Variants in CSMD1 observed in about 807,000 individuals in gnomAD.
CSMD1 encodes the protein CUB and sushi domain-containing protein 1.
In CSMD1, 213 loss-of-function variants were observed where a neutral mutation model predicts 417.5. The ratio of observed to expected loss-of-function variants is 0.51; its 90% CI spans 0.46 to 0.57. The LOEUF is 0.57. CSMD1 is among the 20% of genes least tolerant of loss of function. The pLI is 0.00. For synonymous variants in CSMD1, 2,862 were observed against 1,736.8 expected, an observed-to-expected ratio of 1.65 and a Z score of -16.11; for missense variants, 6,923 against 4,529.7, an observed-to-expected ratio of 1.53 and a Z score of -15.17.
chr8:4,315,838 ATT>A (rs1409319092), intron 3 of CSMD1, among the ~76,000 whole-genome samples: 1 of 152,188 alleles, frequency 6.6e-6, no homozygotes, highest in African/African-American at 2.4e-5. Flanking sequence ...GTTTTCAAAA[ATT>A]TGTTTCATAT....
intron 4 of CSMD1, among the ~76,000 whole-genome samples, chr8:4,001,634 T>A (rs988298052): frequency 6.6e-6 from 1 of 152,148 alleles, no homozygotes; most frequent in Non-Finnish European, 1.5e-5. Flanking sequence ...TTGAGTCCCC[T>A]GAGTCTAAGA....
In CSMD1 at chr8:3,598,553, C is replaced by T. The variant is rs111412463; in HGVS notation, c.1098-12293G>A. Among the ~76,000 whole-genome samples the T allele has an allele frequency of 2.5e-3, 386 of 152,276 alleles. 1 individual carries two copies. Among genetic ancestry groups the T allele is most frequent in the Middle Eastern group, 0.01 (3 of 294 alleles). ...GACGTCTCCCCTGAGCCTTCCTCTA[C>T]GCTCTGTCTACAACAGAGGAGGACT... is the stretch of plus-strand genomic sequence containing the variant. On this transcript the variant is annotated intron_variant, in intron 8 of 69. Coordinates refer to ENST00000635120, the MANE Select transcript of CSMD1 (RefSeq NM_033225.6).
intron 2 of CSMD1, among the ~76,000 whole-genome samples, chr8:4,460,653 TAAGAAGAAG>T (rs751167653): frequency 2.6e-5 from 4 of 152,160 alleles, no homozygotes; most frequent in African/African-American, 9.7e-5. Context: ...TACAGATATT[TAAGAAGAAG>T]ACTGTAAGAG....
Position 4,505,134 on chromosome 8 carries a change from A to C in CSMD1, c.303-85069T>G, listed in dbSNP as rs200970688. Among the ~76,000 whole-genome samples the C allele has an allele frequency of 5.3e-5, 8 of 152,336 alleles. No homozygotes were observed. The East Asian group carries it at 1.5e-3, about 29-fold the overall frequency. On this transcript the variant is annotated intron_variant, in intron 2 of 69. Transcript: ENST00000635120. ...AGCACAAATCCAAAAACAGAAAAAC[A>C]AAACCAAACCCCACAATGATAAAAA...
chr8:4,876,262 A>G (rs536311230), intron 1 of CSMD1, among the ~76,000 whole-genome samples: 22 of 152,178 alleles, frequency 1.4e-4, no homozygotes, highest in African/African-American at 5.3e-4. Flanking sequence ...ATTACCCTCC[A>G]TGACAATTCA....
intron 25 of CSMD1, among the ~76,000 whole-genome samples, chr8:3,295,963 C>T (rs1051022177): frequency 1.4e-4 from 22 of 151,958 alleles, no homozygotes; most frequent in East Asian, 3.9e-4. Flanking sequence ...GTCCTGCCTT[C>T]GTGGAGTTCG....
At chr8:3,967,605 C>T (rs1034593452) in intron 5 of CSMD1, among the ~76,000 whole-genome samples, 1 of 152,028 alleles carries the variant, frequency 6.6e-6, no homozygotes, top group Non-Finnish European at 1.5e-5. Flanking sequence ...CGGTTCACAA[C>T]TGATTTATTT....
chr8:4,524,938 C>G lies in CSMD1; in HGVS notation c.303-104873G>C, dbSNP rs531469233. Among the ~76,000 whole-genome samples, 7 of 152,258 alleles carry G rather than the reference C, an allele frequency of 4.6e-5. No homozygotes were observed. In the East Asian group the frequency reaches 9.6e-4, roughly 21 times the overall value. On this transcript the variant is annotated intron_variant, in intron 2 of 69. Coordinates refer to ENST00000635120, the MANE Select transcript of CSMD1 (RefSeq NM_033225.6). ...CAGCATTGCCACATTCAAAGCCACA[C>G]TATCAGAAAACTGATGGCATCACAG...
intron 7 of CSMD1, among the ~76,000 whole-genome samples, chr8:3,630,386 G>A (rs780442116): frequency 2.6e-5 from 4 of 152,182 alleles, no homozygotes; most frequent in Non-Finnish European, 5.9e-5. Context: ...GAAGGAACGA[G>A]ACTGGAGTAT....
chr8:4,538,598 G>A (rs991221368), intron 2 of CSMD1, among the ~76,000 whole-genome samples: 2 of 151,724 alleles, frequency 1.3e-5, no homozygotes, highest in Non-Finnish European at 1.5e-5. Flanking sequence ...AGCCGAGATC[G>A]CACCACTGTA....
In CSMD1 at chr8:3,018,732, C is replaced by CA. The variant is rs370643507; in HGVS notation, c.7856-83dup. On this transcript the variant is annotated intron_variant, in intron 51 of 69. Coordinates refer to ENST00000635120, the MANE Select transcript of CSMD1 (RefSeq NM_033225.6). ...CTCCAAACAAACAAACAAAAACAAA[C>CA]AAAAAAAACCAAAAAACTATTTTTA... 8.3e-4 allele frequency: 1,045 copies of CA among 1,262,796 alleles called. 4 individuals carry two copies. The African/African-American group carries it at 0.013, about 15-fold the overall frequency. The allele number at this position is 1,262,796 out of a possible 1,614,324, so 78.2% of individuals were successfully genotyped here. A position where few individuals can be genotyped will look rare whatever the true frequency, so the allele number is the denominator to read the frequency against.
In CSMD1 at chr8:4,090,349, A is replaced by G. The variant is rs866844760; in HGVS notation, c.416-58250T>C. 1.4e-4 allele frequency among the ~76,000 whole-genome samples: 22 copies of G among 152,228 alleles called. 1 individual carries two copies. Among genetic ancestry groups the G allele is most frequent in the Admixed American group, 6.5e-5 (1 of 15,284 alleles). ...CATTAAACATGAGTCATTATCTATCATGCCTTAAAAATAAATTACAAAGTG... is the reference window on the plus strand; with the variant it reads ...CATTAAACATGAGTCATTATCTATCGTGCCTTAAAAATAAATTACAAAGTG... On this transcript the variant is annotated intron_variant, in intron 3 of 69. Transcript: ENST00000635120.
At chr8:3,158,399 G>C (rs1302531219) in intron 38 of CSMD1, among the ~76,000 whole-genome samples, 1 of 152,082 alleles carries the variant, frequency 6.6e-6, no homozygotes, top group African/African-American at 2.4e-5. Flanking sequence ...TTATGGAGAG[G>C]TAGCTTCGGT....
At chr8:4,369,684 A>G (rs1310237116) in intron 3 of CSMD1, among the ~76,000 whole-genome samples, 1 of 152,166 alleles carries the variant, frequency 6.6e-6, no homozygotes, top group Non-Finnish European at 1.5e-5. Context: ...GCCCTTTATC[A>G]TTACGTAATG....
intron 12 of CSMD1, among the ~76,000 whole-genome samples, chr8:3,443,744 C>T (rs1039647589): frequency 3.3e-5 from 5 of 152,130 alleles, no homozygotes; most frequent in African/African-American, 1.2e-4. Flanking sequence ...TAGCAATGGA[C>T]AGCTTTAAAG....
intron 2 of CSMD1, among the ~76,000 whole-genome samples, chr8:4,464,832 T>C (rs962714898): frequency 6.6e-6 from 1 of 151,274 alleles, no homozygotes; most frequent in Non-Finnish European, 1.5e-5. Flanking sequence ...GGGAGGAAAG[T>C]ATCTATGATC....
At chr8:4,621,058 G>C (rs930539899) in intron 2 of CSMD1, among the ~76,000 whole-genome samples, 34 of 151,978 alleles carry the variant, frequency 2.2e-4, no homozygotes, top group African/African-American at 8.2e-4. Context: ...ATATTCGTCA[G>C]ACCTGAAGTG....
intron 1 of CSMD1, among the ~76,000 whole-genome samples, chr8:4,850,694 C>T (rs985881103): frequency 3.3e-5 from 5 of 152,036 alleles, no homozygotes; most frequent in Non-Finnish European, 7.4e-5. Flanking sequence ...CTCTCTCTCT[C>T]TGGATGAAGT....
chr8:4,457,739 T>G (rs1026800379), intron 2 of CSMD1, among the ~76,000 whole-genome samples: 1 of 152,154 alleles, frequency 6.6e-6, no homozygotes, highest in Non-Finnish European at 1.5e-5. Context: ...CTCCTCTGTA[T>G]GGGATCCAGC....
Sources: allele counts gnomAD v4.1 joint callset (sites outside exome capture counted in the v4.1 genomes callset), GRCh38; gene constraint gnomAD v4.1.1; transcripts MANE v1.5; gene names NCBI Gene and HGNC (gene_info 2026-07-23, HGNC 2026-07-21).